Variants in PALM2AKAP2 observed in about 807,000 individuals in gnomAD.
PALM2AKAP2 encodes the protein PALM2 and AKAP2 fusion.
In PALM2AKAP2, 37 loss-of-function variants were observed where a neutral mutation model predicts 71.5. The observed-to-expected ratio is 0.52, with a 90% CI of 0.40 to 0.68. PALM2AKAP2 has a LOEUF of 0.68. Ranked by LOEUF, PALM2AKAP2 falls within the 30% of genes least tolerant of loss-of-function variation. The pLI is 0.00. For missense variants in PALM2AKAP2, 1,224 were observed against 1,191.8 expected (o/e 1.03, Z -0.40); for synonymous variants, 468 against 478.8 (o/e 0.98, Z 0.29).
chr9:109,703,216 T>C (rs1458666165), intron 1 of PALM2AKAP2, among the ~76,000 whole-genome samples: 2 of 152,212 alleles, frequency 1.3e-5, no homozygotes, highest in Non-Finnish European at 2.9e-5. Context: ...GCAATATTGC[T>C]GATATTCAGG....
chr9:109,755,779 T>G (rs1828949530), intron 1 of PALM2AKAP2, among the ~76,000 whole-genome samples: 1 of 152,114 alleles, frequency 6.6e-6, no homozygotes, highest in East Asian at 1.9e-4. Context: ...TATTTATTTA[T>G]TTATTTATTA....
At chr9:110,147,729 C>T (rs1162346780) in intron 2 of PALM2AKAP2, among the ~76,000 whole-genome samples, 2 of 151,942 alleles carry the variant, frequency 1.3e-5, no homozygotes, top group African/African-American at 2.4e-5. Flanking sequence ...ATGGTCATGC[C>T]GCTGAACTCC....
At chr9:109,805,673 G>A (rs1408434132) in intron 1 of PALM2AKAP2, among the ~76,000 whole-genome samples, 1 of 152,196 alleles carries the variant, frequency 6.6e-6, no homozygotes, top group East Asian at 1.9e-4. Context: ...TACTTCATGG[G>A]ATGGTGAGCA....
intron 1 of PALM2AKAP2, among the ~76,000 whole-genome samples, chr9:109,803,663 A>C (rs546966363): frequency 1.3e-5 from 2 of 152,356 alleles, no homozygotes; most frequent in African/African-American, 4.8e-5. Context: ...TGAGGGAACC[A>C]GCTGCAGGAG....
At chr9:110,142,031 C>T (rs145477396) in intron 2 of PALM2AKAP2, among the ~76,000 whole-genome samples, 3 of 149,678 alleles carry the variant, frequency 2.0e-5, no homozygotes, top group East Asian at 1.9e-4. Flanking sequence ...TGTTAATGAC[C>T]GGGTATCTAG....
At chr9:109,902,619 C>T (rs1056764836) in intron 3 of PALM2AKAP2, among the ~76,000 whole-genome samples, 2 of 152,194 alleles carry the variant, frequency 1.3e-5, no homozygotes, top group African/African-American at 4.8e-5. Flanking sequence ...GAATTCAATG[C>T]GTTGAAAGGT....
chr9:109,853,932 G>A (rs1483136316), intron 1 of PALM2AKAP2, among the ~76,000 whole-genome samples: 1 of 152,160 alleles, frequency 6.6e-6, no homozygotes, highest in African/African-American at 2.4e-5. Flanking sequence ...CATCCTAGGT[G>A]GGCTCTCACT....
chr9:109,994,364 T>A (rs1460440744), intron 6 of PALM2AKAP2, among the ~76,000 whole-genome samples: 1 of 152,222 alleles, frequency 6.6e-6, no homozygotes, highest in Non-Finnish European at 1.5e-5. Flanking sequence ...CAGACTTCTG[T>A]AGTGGGTCCA....
chr9:109,895,171 A>G (rs1238011172), intron 3 of PALM2AKAP2, among the ~76,000 whole-genome samples: 1 of 152,212 alleles, frequency 6.6e-6, no homozygotes, highest in African/African-American at 2.4e-5. Context: ...ATCTTAGCCC[A>G]TGACAGGGAA....
At chr9:110,162,956 C>G (rs1171803022) in intron 3 of PALM2AKAP2, among the ~76,000 whole-genome samples, 1 of 152,112 alleles carries the variant, frequency 6.6e-6, no homozygotes, top group East Asian at 1.9e-4. Flanking sequence ...AAGTGATCCT[C>G]CTGCCTCAGC....
intron 3 of PALM2AKAP2, among the ~76,000 whole-genome samples, chr9:109,892,801 A>C (rs1372088034): frequency 1.3e-5 from 2 of 152,090 alleles, no homozygotes; most frequent in African/African-American, 2.4e-5. Flanking sequence ...AATAATAATA[A>C]AGATCAACTT....
intron 1 of PALM2AKAP2, among the ~76,000 whole-genome samples, chr9:109,704,044 C>G (rs1440826172): frequency 6.6e-6 from 1 of 152,120 alleles, no homozygotes; most frequent in Non-Finnish European, 1.5e-5. Context: ...CTCTGTGAGC[C>G]TTGCAGTTTT....
intron 6 of PALM2AKAP2, among the ~76,000 whole-genome samples, chr9:109,953,735 T>C (rs1436147094): frequency 6.7e-6 from 1 of 148,316 alleles, no homozygotes; most frequent in African/African-American, 2.5e-5. Context: ...CTCAGGAGGC[T>C]GAGGCCGGAG....
intron 1 of PALM2AKAP2, among the ~76,000 whole-genome samples, chr9:109,666,529 G>T (rs757332303): frequency 2.3e-4 from 35 of 152,184 alleles, no homozygotes; most frequent in Non-Finnish European, 4.6e-4. Context: ...ATCACAACCA[G>T]TTAAGCTTAT....
At chr9:109,867,453 C>T (rs762911666) in intron 1 of PALM2AKAP2, 38 bp from the exon 2 acceptor site, 6 of 1,606,572 alleles carry the variant, frequency 3.7e-6, no homozygotes, top group Non-Finnish European at 5.1e-6. Flanking sequence ...GAGCCAACAC[C>T]CACCCACTCT....
At chr9:110,027,028 G>A (rs563309513) in intron 7 of PALM2AKAP2, among the ~76,000 whole-genome samples, 1 of 152,280 alleles carries the variant, frequency 6.6e-6, no homozygotes, top group East Asian at 1.9e-4. Flanking sequence ...GGGTAATAGA[G>A]CGAGATGCAG....
At chr9:110,101,990 A>G (rs1403190506) in intron 1 of PALM2AKAP2, among the ~76,000 whole-genome samples, 1 of 152,180 alleles carries the variant, frequency 6.6e-6, no homozygotes, top group Admixed American at 6.5e-5. Context: ...TGCATGTTGC[A>G]TATGTGATCT....
intron 1 of PALM2AKAP2, among the ~76,000 whole-genome samples, chr9:110,063,395 T>G (rs565131097): frequency 1.1e-4 from 16 of 152,230 alleles, no homozygotes; most frequent in African/African-American, 3.4e-4. Flanking sequence ...CCCAGTGTCT[T>G]CACATGGTCT....
At chr9:109,921,748 G>T (rs1830835454) in intron 3 of PALM2AKAP2, among the ~76,000 whole-genome samples, 1 of 152,190 alleles carries the variant, frequency 6.6e-6, no homozygotes, top group Admixed American at 6.5e-5. Context: ...AATGCATGAA[G>T]TGAAATAGGC....
Sources: gnomAD v4.1 joint callset for allele counts (sites outside exome capture counted in the v4.1 genomes callset) on GRCh38, gnomAD v4.1.1 for gene constraint, MANE v1.5 for transcripts, NCBI Gene and HGNC (gene_info 2026-07-23, HGNC 2026-07-21) for gene names.